The following OR10J1 variants were observed in gnomAD, a reference collection of about 807,000 sequenced individuals.
OR10J1 encodes olfactory receptor family 10 subfamily J member 1.
For missense variants in OR10J1, 474 were observed against 376.6 expected (o/e 1.26, Z -2.14); for synonymous variants, 202 against 143.8 (o/e 1.40, Z -2.89).
the OR10J1 span, among the ~76,000 whole-genome samples, chr1:159,413,168 T>C: frequency 6.6e-6 from 1 of 152,124 alleles, no homozygotes; most frequent in African/African-American, 2.4e-5. Flanking sequence ...AGAATGGCAA[T>C]CATTAAAAAG....
chr1:159,438,776 C>A (rs558174959), upstream of OR10J1, among the ~76,000 whole-genome samples: 3 of 152,120 alleles, frequency 2.0e-5, no homozygotes, highest in Non-Finnish European at 4.4e-5. Context: ...AATTTAAATA[C>A]CCTAGAGAAG....
chr1:159,408,594 A>G, the OR10J1 span, among the ~76,000 whole-genome samples: 2 of 151,882 alleles, frequency 1.3e-5, no homozygotes, highest in African/African-American at 2.4e-5. Context: ...GTGCACCTGT[A>G]CCCTAAAACT....
At chr1:159,401,153 A>AAT in the OR10J1 span, among the ~76,000 whole-genome samples, 1 of 151,776 alleles carries the variant, frequency 6.6e-6, no homozygotes, top group African/African-American at 2.4e-5. Flanking sequence ...CAAAAAAAAA[A>AAT]GAGAAAAAAC....
the OR10J1 span, among the ~76,000 whole-genome samples, chr1:159,418,355 T>G: frequency 2.0e-5 from 3 of 152,090 alleles, no homozygotes; most frequent in Non-Finnish European, 2.9e-5. Context: ...CAGGGACCCC[T>G]GTTATGCACA....
At chr1:159,409,499 A>C in the OR10J1 span, among the ~76,000 whole-genome samples, 2 of 152,050 alleles carry the variant, frequency 1.3e-5, no homozygotes, top group Non-Finnish European at 2.9e-5. Context: ...GCAATTTCTC[A>C]CTGAGACTTA....
chr1:159,437,896 T>A (rs549348110), upstream of OR10J1: 1 of 153,060 alleles, frequency 6.5e-6, no homozygotes, highest in South Asian at 2.1e-4. Context: ...CAGCCTCAGG[T>A]CCTGCCGTAG....
the OR10J1 span, among the ~76,000 whole-genome samples, chr1:159,415,966 G>C: frequency 1.3e-5 from 2 of 151,460 alleles, no homozygotes; most frequent in Non-Finnish European, 3.0e-5. Flanking sequence ...CTTTATTAAA[G>C]AAATAAAGAA....
the OR10J1 span, among the ~76,000 whole-genome samples, chr1:159,402,234 G>A: frequency 6.6e-6 from 1 of 151,940 alleles, no homozygotes; most frequent in Non-Finnish European, 1.5e-5. Flanking sequence ...CTGTTATTCA[G>A]TATAGTACTA....
chr1:159,412,534 A>C, the OR10J1 span, among the ~76,000 whole-genome samples: 2 of 147,384 alleles, frequency 1.4e-5, no homozygotes, highest in African/African-American at 2.6e-5. Flanking sequence ...ATAATGCCAC[A>C]TATCTACAAC....
the OR10J1 span, among the ~76,000 whole-genome samples, chr1:159,421,755 G>C: frequency 2.0e-5 from 3 of 152,196 alleles, no homozygotes; most frequent in Non-Finnish European, 2.9e-5. Context: ...TGCCAGGTGA[G>C]CTAGTCTTTG....
At chr1:159,432,456 G>A in the OR10J1 span, 4 of 410,338 alleles carry the variant, frequency 9.7e-6, no homozygotes, top group Non-Finnish European at 1.3e-5. Flanking sequence ...AATGCTGTCC[G>A]GTCTCCTCAG....
the OR10J1 span, among the ~76,000 whole-genome samples, chr1:159,430,436 T>G: frequency 2.6e-5 from 4 of 152,104 alleles, no homozygotes; most frequent in African/African-American, 9.7e-5. Flanking sequence ...CAAGGTCATA[T>G]ATGAGTAAGT....
In OR10J1 at chr1:159,440,637, C is replaced by T; in HGVS notation, c.846C>T (p.Pro282=). 1.2e-6 allele frequency: 2 copies of T among 1,613,882 alleles called. No individual in the cohort carries two copies. The highest frequency in any genetic ancestry group is 1.1e-5 in the South Asian group (1 of 91,056). ...CGGTGACCTACACTGTCATCACTCC[C>T]CTACTGAACCCTGTGGTATACACCC... The part of the protein sequence containing the change: ...LISVTYTVIT[P]LLNPVVYTLR... The change falls in exon 1 of 1, where the codon CCC becomes CCT. Residue 282 remains proline, a synonymous_variant. Coordinates refer to ENST00000423932, the MANE Select transcript of OR10J1 (RefSeq NM_012351.3).
the OR10J1 span, among the ~76,000 whole-genome samples, chr1:159,400,975 T>C: frequency 6.6e-6 from 1 of 151,848 alleles, no homozygotes; most frequent in Middle Eastern, 3.4e-3. Flanking sequence ...TTTTGGAAAA[T>C]ATACAAATAC....
chr1:159,418,343 T>A, the OR10J1 span, among the ~76,000 whole-genome samples: 1 of 152,078 alleles, frequency 6.6e-6, no homozygotes, highest in Non-Finnish European at 1.5e-5. Flanking sequence ...CTGGGCCAGC[T>A]CCAGGGACCC....
the OR10J1 span, among the ~76,000 whole-genome samples, chr1:159,402,609 A>G: frequency 6.6e-6 from 1 of 152,112 alleles, no homozygotes; most frequent in Non-Finnish European, 1.5e-5. Flanking sequence ...AAGTAATTGA[A>G]GAGGACACCA....
the OR10J1 span, among the ~76,000 whole-genome samples, chr1:159,414,780 G>A: frequency 2.6e-5 from 4 of 152,142 alleles, no homozygotes; most frequent in East Asian, 5.8e-4. Context: ...TCTAACCAGG[G>A]TAAGATGATA....
At chr1:159,404,484 A>G in the OR10J1 span, among the ~76,000 whole-genome samples, 1 of 152,146 alleles carries the variant, frequency 6.6e-6, no homozygotes, top group Non-Finnish European at 1.5e-5. Context: ...CAGGAGTATC[A>G]TTTACAGCTC....
At chr1:159,419,059 A>G in the OR10J1 span, among the ~76,000 whole-genome samples, 1 of 152,190 alleles carries the variant, frequency 6.6e-6, no homozygotes, top group Non-Finnish European at 1.5e-5. Context: ...CTAGGAAGTA[A>G]CTAACTTGCT....
Sources: gnomAD v4.1 joint callset for allele counts (sites outside exome capture counted in the v4.1 genomes callset) on GRCh38, gnomAD v4.1.1 for gene constraint, MANE v1.5 for transcripts, NCBI Gene and HGNC (gene_info 2026-07-23, HGNC 2026-07-21) for gene names.